DAOA: variants seen among roughly 807,000 people sequenced by gnomAD.
DAOA encodes D-amino acid oxidase regulator.
Under a neutral mutation model 16.4 loss-of-function variants are expected in DAOA, and 15 were observed. The observed-to-expected ratio is 0.91, with a 90% confidence interval of 0.61 to 1.41. DAOA has a LOEUF of 1.41. Ranked by LOEUF, DAOA falls within the 40% of genes most tolerant of loss-of-function variation. The probability of loss-of-function intolerance (pLI) is 0.00; values close to 1 mark genes in which losing one functional copy is unlikely to be tolerated. For missense variants in DAOA, 230 were observed against 176.8 expected (o/e 1.30, Z -1.71); for synonymous variants, 75 against 59.1 (o/e 1.27, Z -1.23).
At chr13:105,487,154 T>C (rs944247435) in intron 4 of DAOA, among the ~76,000 whole-genome samples, 4 of 152,170 alleles carry the variant, frequency 2.6e-5, no homozygotes, top group African/African-American at 9.6e-5. Flanking sequence ...TTTTGCCAGC[T>C]GGTTTTGAAA....
intron 4 of DAOA, among the ~76,000 whole-genome samples, chr13:105,478,312 T>G (rs568072532): frequency 6.6e-6 from 1 of 152,370 alleles, no homozygotes; most frequent in Non-Finnish European, 1.5e-5. Context: ...ATTGTGTGGT[T>G]TACTGGTCTG....
Position 105,467,137 on chromosome 13 carries a change from T to C in DAOA, c.129T>C (p.Ser43=), listed in dbSNP as rs1437176909. The change falls in exon 3 of 6, where the codon TCT becomes TCC. Residue 43 remains serine, a synonymous_variant. Coordinates refer to ENST00000375936, the MANE Select transcript of DAOA (RefSeq NM_172370.5). ...GCAAATCTGAAAACTCTCTAAACTCTATTGGTATGTTACTCTTTATCTTTA... is the reference window on the plus strand; with the variant it reads ...GCAAATCTGAAAACTCTCTAAACTCCATTGGTATGTTACTCTTTATCTTTA... The part of the protein sequence containing the change: ...LLSKSENSLN[S]IAKETEEGRE... 2.5e-6 allele frequency: 4 copies of C among 1,606,282 alleles called. No individual in the cohort carries two copies. Among genetic ancestry groups the C allele is most frequent in the East Asian group, 2.2e-5 (1 of 44,626 alleles).
chr13:105,490,282 A>G (rs1000908597), intron 5 of DAOA, 90 bp downstream of exon 5: 3 of 612,648 alleles, frequency 4.9e-6, no homozygotes, highest in African/African-American at 2.0e-5. Context: ...TTGTTACACA[A>G]TGATATAAAC....
chr13:105,475,117 G>T (rs960607940), intron 4 of DAOA: 3 of 889,358 alleles, frequency 3.4e-6, no homozygotes, highest in African/African-American at 3.6e-5. Context: ...GAAAGCAGAA[G>T]TGAAGTCAGC....
chr13:105,490,304 G>C (rs1206580578), intron 5 of DAOA, 112 bp downstream of exon 5: 2 of 407,348 alleles, frequency 4.9e-6, no homozygotes, highest in Non-Finnish European at 6.9e-6. Context: ...AATACCATAG[G>C]TAATCAAAAT....
At chr13:105,488,095 C>A (rs763561103) in intron 4 of DAOA, among the ~76,000 whole-genome samples, 1 of 152,138 alleles carries the variant, frequency 6.6e-6, no homozygotes, top group Non-Finnish European at 1.5e-5. Context: ...TTTTGGGAAG[C>A]TAACAGAGGT....
intron 4 of DAOA, among the ~76,000 whole-genome samples, chr13:105,474,748 T>C (rs1877223214): frequency 6.6e-6 from 1 of 152,096 alleles, no homozygotes; most frequent in South Asian, 2.1e-4. Context: ...AATTGGGAAT[T>C]GGGGAAGAGA....
intron 4 of DAOA, among the ~76,000 whole-genome samples, chr13:105,485,998 A>G (rs1878078949): frequency 6.6e-6 from 1 of 151,976 alleles, no homozygotes; most frequent in South Asian, 2.1e-4. Flanking sequence ...CATCCCCATC[A>G]CCTTATTTTG....
intron 3 of DAOA, chr13:105,467,747 T>TC (rs1243951002): frequency 6.7e-6 from 1 of 150,218 alleles, no homozygotes; most frequent in Non-Finnish European, 1.5e-5. Flanking sequence ...TTTTTTTTTT[T>TC]CAAAGAGACA....
intron 3 of DAOA, 81 bp from the exon 4 acceptor site, chr13:105,472,457 C>G (rs1877025067): frequency 6.9e-7 from 1 of 1,457,086 alleles, no homozygotes; most frequent in East Asian, 2.6e-5. Context: ...ACAATCGCTC[C>G]ACAGTCATTA....
Position 105,466,230 on chromosome 13 carries a change from A to C in DAOA, c.-59A>C. The C allele has an allele frequency of 9.3e-6, 15 of 1,612,082 alleles. No homozygotes were observed. Among genetic ancestry groups the C allele is most frequent in the Non-Finnish European group, 1.3e-5 (15 of 1,178,936 alleles). On this transcript the variant is annotated 5_prime_UTR_variant, in exon 2 of 6. It removes an upstream start codon present in the reference 5' UTR. Coordinates refer to ENST00000375936, the MANE Select transcript of DAOA (RefSeq NM_172370.5). ...TGTTGGTCCAGGATTTGGAAAGGGC[A>C]TGGCAGGAGGTCTCATCTCTGCTTC...
rs758675229 is a variant in DAOA at position 105,472,555 on chromosome 13, G to A, written c.151G>A (p.Gly51Arg). 2 of 1,613,822 alleles carry A rather than the reference G, an allele frequency of 1.2e-6. No individual in the cohort carries two copies. Among genetic ancestry groups the A allele is most frequent in the African/African-American group, 2.7e-5 (2 of 74,926 alleles). ...LNSIAKETEE[G>R]RETVTRKEGW... is the part of the protein sequence containing the mutation. ...TGTTGCAGCAAAGGAGACAGAAGAA[G>A]GAAGAGAGACGGTAACAAGGAAAGA... is the stretch of plus-strand genomic sequence containing the variant. The change falls in exon 4 of 6, where the codon GGA (glycine) becomes AGA (arginine). Residue 51 changes from glycine (G) to arginine (R), a missense_variant. Gly to Arg is a moderately radical substitution (Grantham distance 125). Transcript: ENST00000375936.
intron 4 of DAOA, among the ~76,000 whole-genome samples, chr13:105,485,131 T>C (rs1391356404): frequency 6.6e-6 from 1 of 152,214 alleles, no homozygotes; most frequent in Admixed American, 6.5e-5. Context: ...AAACATTATC[T>C]GGTTGAGGAA....
At position 105,471,722 on chromosome 13, in the gene DAOA, G is replaced by A. The variant is rs573361031; in HGVS notation, c.134-816G>A. The stretch of plus-strand genomic sequence containing the variant: ...AAATCATCTACAGGTAAAACTGGTC[G>A]ATTCACAGAGCAATAATCCTTAGCA... On this transcript the variant is annotated intron_variant, in intron 3 of 5. Transcript: ENST00000375936. Among the ~76,000 whole-genome samples, 30 of 151,858 alleles carry A rather than the reference G, an allele frequency of 2.0e-4. No homozygotes were observed. The East Asian group carries it at 5.3e-3, about 27-fold the overall frequency.
intron 4 of DAOA, 191 bp from the exon 5 acceptor site, chr13:105,489,710 G>A (rs1878372509): frequency 7.8e-7 from 1 of 1,277,966 alleles, no homozygotes; most frequent in Non-Finnish European, 1.1e-6. Flanking sequence ...AGTTGTGGCA[G>A]TTAGACCCTA....
chr13:105,476,375 T>C (rs1238366415), intron 4 of DAOA, among the ~76,000 whole-genome samples: 1 of 151,968 alleles, frequency 6.6e-6, no homozygotes, highest in Non-Finnish European at 1.5e-5. Flanking sequence ...TTTAGAGTCA[T>C]GTAAAGATAC....
At chr13:105,488,470 T>G (rs1469597486) in intron 4 of DAOA, among the ~76,000 whole-genome samples, 1 of 152,232 alleles carries the variant, frequency 6.6e-6, no homozygotes, top group Admixed American at 6.5e-5. Context: ...TAACTATTTA[T>G]CTTTTTGTTC....
intron 3 of DAOA, among the ~76,000 whole-genome samples, chr13:105,470,164 A>G (rs942830305): frequency 2.1e-5 from 3 of 146,176 alleles, no homozygotes; most frequent in African/African-American, 5.0e-5. Context: ...TTCTTGTTAT[A>G]TATCTAACCA....
intron 1 of DAOA, 51 bp downstream of exon 1, chr13:105,466,111 T>G (rs779602728): frequency 1.8e-5 from 16 of 878,280 alleles, no homozygotes; most frequent in Middle Eastern, 2.5e-4. Flanking sequence ...TATCAGCTCC[T>G]GCATGGCAGT....
Sources: gnomAD v4.1 joint callset for allele counts (sites outside exome capture counted in the v4.1 genomes callset) on GRCh38, gnomAD v4.1.1 for gene constraint, MANE v1.5 for transcripts, NCBI Gene and HGNC (gene_info 2026-07-23, HGNC 2026-07-21) for gene names.